The following FHOD3 variants were observed in gnomAD, a reference collection of about 807,000 sequenced individuals.
The protein encoded by FHOD3 is FH1/FH2 domain-containing protein 3.
In FHOD3, 90 loss-of-function variants were observed where a neutral mutation model predicts 173.0. The ratio of observed to expected loss-of-function variants is 0.52; its 90% CI spans 0.44 to 0.62. The LOEUF (loss-of-function observed/expected upper bound fraction) is 0.62. FHOD3 is among the 20% of genes least tolerant of loss of function. FHOD3 has a pLI of 0.00. For missense variants in FHOD3, 1,945 were observed against 2,034.7 expected (o/e 0.96, Z 0.85); for synonymous variants, 828 against 823.0 (o/e 1.01, Z -0.10).
At position 36,709,118 on chromosome 18, in the gene FHOD3, G is replaced by C. The variant is rs139884505; in HGVS notation, c.2260G>C (p.Glu754Gln). 1 of 1,613,276 alleles carries C rather than the reference G, an allele frequency of 6.2e-7. No individual in the cohort carries two copies. ...AGCAAGTGCCGGGGATCCTGAACCC[G>C]AATCAGAGGCAGAACCGGAAGCAGA... Reference protein sequence around the residue: ...PQASAGDPEPESEAEPEAEAG... With the variant: ...PQASAGDPEPQSEAEPEAEAG... The change falls in exon 18 of 29, where the codon GAA becomes CAA. Residue 754 changes from glutamate (E) to glutamine (Q), a missense_variant. Coordinates refer to ENST00000590592, the MANE Select transcript of FHOD3 (RefSeq NM_001281740.3).
At chr18:36,669,804 A>G (rs1275151392) in intron 14 of FHOD3, among the ~76,000 whole-genome samples, 1 of 151,960 alleles carries the variant, frequency 6.6e-6, no homozygotes, top group Non-Finnish European at 1.5e-5. Flanking sequence ...TTTAAATAAT[A>G]AAATAAGGCT....
At chr18:36,498,735 A>G (rs1335280889) in intron 3 of FHOD3, among the ~76,000 whole-genome samples, 1 of 152,246 alleles carries the variant, frequency 6.6e-6, no homozygotes, top group Non-Finnish European at 1.5e-5. Flanking sequence ...TTGTCTCAAT[A>G]TTAACACCAT....
intron 3 of FHOD3, among the ~76,000 whole-genome samples, chr18:36,461,047 G>A (rs1276218595): frequency 2.0e-5 from 3 of 152,164 alleles, no homozygotes; most frequent in African/African-American, 7.2e-5. Context: ...GATGAGGGTT[G>A]AGAGGGAGGG....
chr18:36,657,574 A>G (rs1181413571), intron 13 of FHOD3, among the ~76,000 whole-genome samples: 1 of 152,226 alleles, frequency 6.6e-6, no homozygotes, highest in African/African-American at 2.4e-5. Flanking sequence ...TTTCTCCTCA[A>G]TCACTGAACA....
At chr18:36,524,526 G>A (rs1199720645) in intron 5 of FHOD3, among the ~76,000 whole-genome samples, 2 of 152,126 alleles carry the variant, frequency 1.3e-5, no homozygotes, top group East Asian at 1.9e-4. Flanking sequence ...CCAAAGCAGG[G>A]CTGGCAAGGC....
chr18:36,625,456 G>A (rs2034027250), intron 9 of FHOD3, 55 bp from the exon 10 acceptor site: 2 of 1,339,630 alleles, frequency 1.5e-6, no homozygotes, highest in Non-Finnish European at 2.0e-6. Context: ...CACACCTGAG[G>A]TCTGTGAAAG....
At chr18:36,375,421 A>T (rs777977459) in intron 3 of FHOD3, among the ~76,000 whole-genome samples, 6 of 152,318 alleles carry the variant, frequency 3.9e-5, no homozygotes, top group Non-Finnish European at 7.4e-5. Flanking sequence ...TCCACCCACG[A>T]TTGGACTGGA....
At chr18:36,653,266 G>A in intron 12 of FHOD3, 76 bp from the exon 13 acceptor site, 1 of 1,183,378 alleles carries the variant, frequency 8.5e-7, no homozygotes, top group Non-Finnish European at 1.2e-6. Flanking sequence ...AAGTCTTTTT[G>A]ACGCTGAAGA....
chr18:36,359,702 C>T (rs2046519407), intron 2 of FHOD3, among the ~76,000 whole-genome samples: 1 of 152,300 alleles, frequency 6.6e-6, no homozygotes, highest in African/African-American at 2.4e-5. Flanking sequence ...GTTAGGGACA[C>T]AGGCTTTACC....
chr18:36,662,193 A>G (rs969550937), intron 14 of FHOD3, among the ~76,000 whole-genome samples: 5 of 152,172 alleles, frequency 3.3e-5, no homozygotes, highest in African/African-American at 1.2e-4. Flanking sequence ...TGACATCTCC[A>G]TCTTGTGGAC....
intron 5 of FHOD3, among the ~76,000 whole-genome samples, chr18:36,536,497 G>A (rs2038481188): frequency 6.6e-6 from 1 of 152,212 alleles, no homozygotes; most frequent in Non-Finnish European, 1.5e-5. Flanking sequence ...TCACATCGCT[G>A]TACTCTTTCT....
Position 36,747,117 on chromosome 18 carries a change from A to G in FHOD3, c.4214A>G (p.His1405Arg). ...AERIIILKIV[H>R]RRIINRFHSF... ...CGAATTATAATTTTAAAGATTGTCCATAGAAGGATAATCAACAGGTAAGTG... is the reference window on the plus strand; with the variant it reads ...CGAATTATAATTTTAAAGATTGTCCGTAGAAGGATAATCAACAGGTAAGTG... Residue 1405 changes from histidine (H) to arginine (R), a missense_variant, in exon 24 of 29, where the codon CAT becomes CGT. His to Arg is a conservative substitution (Grantham distance 29). This residue lies in a region of FHOD3 where 354 missense variants were observed against 359.9 expected (regional missense o/e 0.98). Coordinates refer to ENST00000590592, the MANE Select transcript of FHOD3 (RefSeq NM_001281740.3). 1.9e-6 allele frequency: 3 copies of G among 1,611,102 alleles called. No homozygotes were observed. The highest frequency in any genetic ancestry group is 1.1e-5 in the South Asian group (1 of 90,358).
At chr18:36,464,386 T>C (rs566512154) in intron 3 of FHOD3, among the ~76,000 whole-genome samples, 35 of 152,302 alleles carry the variant, frequency 2.3e-4, no homozygotes, top group South Asian at 4.1e-4. Context: ...ATTTGAGATG[T>C]GCAGCGGGGC....
intron 3 of FHOD3, among the ~76,000 whole-genome samples, chr18:36,400,624 C>A (rs73949473): frequency 0.049 from 7,430 of 152,254 alleles, 612 homozygotes; most frequent in African/African-American, 0.17. Flanking sequence ...GAGATTGGGG[C>A]AGTGGCAGCT....
intron 23 of FHOD3, among the ~76,000 whole-genome samples, chr18:36,745,539 A>G (rs1157038913): frequency 6.6e-6 from 1 of 151,556 alleles, no homozygotes; most frequent in Non-Finnish European, 1.5e-5. Flanking sequence ...CACCTTTGCG[A>G]ACTCTTTCCC....
chr18:36,408,577 C>T (rs1016366389), intron 3 of FHOD3, among the ~76,000 whole-genome samples: 4 of 152,056 alleles, frequency 2.6e-5, no homozygotes, highest in Non-Finnish European at 2.9e-5. Flanking sequence ...GCTCCATCAC[C>T]GAGGAATGAA....
At chr18:36,383,262 AAGCAGAG>A (rs1356883010) in intron 3 of FHOD3, among the ~76,000 whole-genome samples, 1 of 152,148 alleles carries the variant, frequency 6.6e-6, no homozygotes, top group Non-Finnish European at 1.5e-5. Flanking sequence ...TTCTGTCTGA[AAGCAGAG>A]TTGGTGCTGT....
chr18:36,525,557 T>C (rs1299962708), intron 5 of FHOD3, among the ~76,000 whole-genome samples: 1 of 152,196 alleles, frequency 6.6e-6, no homozygotes, highest in Admixed American at 6.5e-5. Context: ...AGTTAGAAAA[T>C]GAATATAGTT....
chr18:36,752,323 G>GA (rs2042437128), intron 24 of FHOD3, among the ~76,000 whole-genome samples: 1 of 152,192 alleles, frequency 6.6e-6, no homozygotes, highest in East Asian at 1.9e-4. Flanking sequence ...ATTCAAGGGG[G>GA]AGAGACAGGC....
Sources: gnomAD v4.1 joint callset for allele counts (sites outside exome capture counted in the v4.1 genomes callset) on GRCh38, gnomAD v4.1.1 for gene constraint, gnomAD v4.1.1 regional missense constraint, MANE v1.5 for transcripts, NCBI Gene and HGNC (gene_info 2026-07-23, HGNC 2026-07-21) for gene names.